DACH1: variants seen among roughly 807,000 people sequenced by gnomAD.
The protein encoded by DACH1 is dachshund homolog 1.
A neutral mutation model predicts 54.2 loss-of-function variants in DACH1; 12 were observed. The ratio of observed to expected loss-of-function variants is 0.22; its 90% confidence interval spans 0.14 to 0.36. DACH1 has a LOEUF of 0.36. Among genes scored for constraint, DACH1 ranks in the 10% least tolerant of loss-of-function variants. The probability of loss-of-function intolerance (pLI) is 1.00; values close to 1 mark genes in which losing one functional copy is unlikely to be tolerated. For missense variants in DACH1, 805 were observed against 929.8 expected, an observed-to-expected ratio of 0.87 and a Z score of 1.75; for synonymous variants, 386 against 366.2, an observed-to-expected ratio of 1.05 and a Z score of -0.62.
intron 9 of DACH1, 90 bp downstream of exon 9, chr13:71,475,616 A>T (rs1877444058): frequency 1.4e-6 from 2 of 1,411,868 alleles, no homozygotes; most frequent in African/African-American, 1.4e-5. Context: ...CACAAGATAT[A>T]GAAACATACA....
chr13:71,630,256 A>G (rs1044304873), intron 3 of DACH1, among the ~76,000 whole-genome samples: 3 of 152,274 alleles, frequency 2.0e-5, no homozygotes, highest in East Asian at 3.9e-4. Flanking sequence ...GCTACTCTCA[A>G]TGTTTTAGAA....
intron 1 of DACH1, among the ~76,000 whole-genome samples, chr13:71,742,900 A>G (rs1884456980): frequency 6.6e-6 from 1 of 152,082 alleles, no homozygotes; most frequent in South Asian, 2.1e-4. Context: ...TTTTTATTCC[A>G]TGTGCTATTT....
At chr13:71,731,811 G>A (rs1478099550) in intron 1 of DACH1, among the ~76,000 whole-genome samples, 14 of 152,150 alleles carry the variant, frequency 9.2e-5, no homozygotes, top group South Asian at 2.1e-4. Flanking sequence ...AAAAGTTCAT[G>A]CCTTACATTC....
At chr13:71,766,917 G>A (rs1401157735) in intron 1 of DACH1, among the ~76,000 whole-genome samples, 1 of 151,018 alleles carries the variant, frequency 6.6e-6, no homozygotes, top group Non-Finnish European at 1.5e-5. Context: ...TTAGCATCTT[G>A]CAGATATATG....
chr13:71,740,710 T>C (rs1382166541), intron 1 of DACH1, among the ~76,000 whole-genome samples: 1 of 152,176 alleles, frequency 6.6e-6, no homozygotes, highest in African/African-American at 2.4e-5. Context: ...ATTTAATATC[T>C]CATAGCAGTT....
At chr13:71,696,565 G>C (rs1293583976) in intron 1 of DACH1, among the ~76,000 whole-genome samples, 1 of 133,686 alleles carries the variant, frequency 7.5e-6, no homozygotes, top group Non-Finnish European at 1.6e-5. Context: ...TTTTTTTTTT[G>C]AGACAGAATT....
chr13:71,812,779 A>AC (rs1022824066), intron 1 of DACH1, among the ~76,000 whole-genome samples: 27 of 151,902 alleles, frequency 1.8e-4, no homozygotes, highest in Non-Finnish European at 2.8e-4. Flanking sequence ...AAAGGAAAAA[A>AC]CCTCAAATGC....
At chr13:71,462,776 G>A (rs1876192067) in intron 10 of DACH1, among the ~76,000 whole-genome samples, 1 of 151,714 alleles carries the variant, frequency 6.6e-6, no homozygotes, top group Non-Finnish European at 1.5e-5. Flanking sequence ...ATCAAACAGT[G>A]TAATTTACAC....
At chr13:71,639,008 G>C (rs1335705605) in intron 2 of DACH1, among the ~76,000 whole-genome samples, 1 of 152,082 alleles carries the variant, frequency 6.6e-6, no homozygotes, top group Non-Finnish European at 1.5e-5. Context: ...GCAAAACTCT[G>C]TTGAAGGTGC....
At chr13:71,761,221 T>C (rs1353396550) in intron 1 of DACH1, among the ~76,000 whole-genome samples, 2 of 152,228 alleles carry the variant, frequency 1.3e-5, no homozygotes, top group African/African-American at 4.8e-5. Flanking sequence ...AAATCGTTTT[T>C]CTTAAATTAT....
At position 71,866,871 on chromosome 13, in the gene DACH1, G is replaced by T; in HGVS notation, c.-102C>A. The T allele has an allele frequency of 1.2e-6, 1 of 806,994 alleles. No individual in the cohort carries two copies. Among genetic ancestry groups the T allele is most frequent in the Non-Finnish European group, 1.6e-6 (1 of 628,026 alleles). The allele number at this position is 806,994 out of a possible 1,614,324, so 50.0% of individuals were successfully genotyped here. A position where few individuals can be genotyped will look rare whatever the true frequency, so the allele number is the denominator to read the frequency against. The stretch of plus-strand genomic sequence containing the variant: ...AAAAAGGGGGGAGAAGGAGCGAGGG[G>T]GGCAACAACAACTCCGGGAGAGAAC... On this transcript the variant is annotated 5_prime_UTR_variant, in exon 1 of 11. Transcript: ENST00000613252.
At position 71,496,750 on chromosome 13, in the gene DACH1, T is replaced by A. The variant is rs1879477068; in HGVS notation, c.1571-7602A>T. Among the ~76,000 whole-genome samples, 3 of 152,328 alleles carry A rather than the reference T, an allele frequency of 2.0e-5. No individual in the cohort carries two copies. The South Asian group carries it at 6.2e-4, about 32-fold the overall frequency. On this transcript the variant is annotated intron_variant, in intron 6 of 10. Coordinates refer to ENST00000613252, the MANE Select transcript of DACH1 (RefSeq NM_080759.6). ...AAAAAATTATCAGGTAAATGTTTTT[T>A]CTTTCTACCTCCATCTTCTCAGAAA... is the stretch of plus-strand genomic sequence containing the variant.
chr13:71,650,262 C>T (rs1878578934), intron 2 of DACH1, among the ~76,000 whole-genome samples: 1 of 152,122 alleles, frequency 6.6e-6, no homozygotes, highest in South Asian at 2.1e-4. Flanking sequence ...TCTACCATTA[C>T]ATTGGTTTCT....
At chr13:71,641,061 C>CA (rs1182756516) in intron 2 of DACH1, among the ~76,000 whole-genome samples, 107 of 145,290 alleles carry the variant, frequency 7.4e-4, no homozygotes, top group South Asian at 4.2e-3. Flanking sequence ...CAGAAAATGA[C>CA]AAAAAAAAAC....
intron 1 of DACH1, among the ~76,000 whole-genome samples, chr13:71,786,683 C>T (rs1248652711): frequency 1.3e-5 from 2 of 151,952 alleles, no homozygotes; most frequent in Non-Finnish European, 2.9e-5. Flanking sequence ...TGTTTACTGG[C>T]TATTATTAAG....
chr13:71,629,089 T>C (rs574830832), intron 3 of DACH1, among the ~76,000 whole-genome samples: 1 of 152,252 alleles, frequency 6.6e-6, no homozygotes, highest in African/African-American at 2.4e-5. Flanking sequence ...CTCAGTCTAA[T>C]AAAAGGCTTT....
At chr13:71,720,679 T>C (rs893479702) in intron 1 of DACH1, among the ~76,000 whole-genome samples, 2 of 152,172 alleles carry the variant, frequency 1.3e-5, no homozygotes, top group African/African-American at 4.8e-5. Flanking sequence ...GTGCATTATA[T>C]AAATGTCTAC....
rs111968624 is a variant in DACH1, at chr13:71,694,820, A to T, written c.849-12910T>A. Among the ~76,000 whole-genome samples the T allele has an allele frequency of 7.5e-3, 1,144 of 152,332 alleles. 21 individuals carry two copies. Among genetic ancestry groups the T allele is most frequent in the African/African-American group, 0.026 (1,083 of 41,572 alleles). ...CTTAAAAGCGTTGTTTAAACTGGCT[A>T]AAGCATAATAGCTCACATTTAGAAA... On this transcript the variant is annotated intron_variant, in intron 1 of 10. Coordinates refer to ENST00000613252, the MANE Select transcript of DACH1 (RefSeq NM_080759.6).
At chr13:71,833,711 C>T (rs183957305) in intron 1 of DACH1, among the ~76,000 whole-genome samples, 1,632 of 151,982 alleles carry the variant, frequency 0.011, 16 homozygotes, top group Middle Eastern at 0.034. Flanking sequence ...GTGAGAGACG[C>T]CACTTAAAGA....
Sources: gnomAD v4.1 joint callset for allele counts (sites outside exome capture counted in the v4.1 genomes callset) on GRCh38, gnomAD v4.1.1 for gene constraint, MANE v1.5 for transcripts, NCBI Gene and HGNC (gene_info 2026-07-23, HGNC 2026-07-21) for gene names.